The following NCAPD3 variants were observed in gnomAD, a reference collection of about 807,000 sequenced individuals.
NCAPD3 encodes the protein non-SMC condensin II complex subunit D3.
NCAPD3 carries 105 observed loss-of-function variants against 182.9 expected under a neutral mutation model. The ratio of observed to expected loss-of-function variants is 0.57; its 90% CI spans 0.49 to 0.68. NCAPD3 has a LOEUF of 0.68. Ranked by LOEUF, NCAPD3 falls within the 30% of genes least tolerant of loss-of-function variation. The pLI, the probability that NCAPD3 is intolerant of heterozygous loss-of-function variation, is 0.00. For synonymous variants in NCAPD3, 815 were observed against 679.9 expected, an observed-to-expected ratio of 1.20 and a Z score of -3.09; for missense variants, 1,944 against 1,837.0, an observed-to-expected ratio of 1.06 and a Z score of -1.07.
At chr11:134,154,745 G>A (rs1208060107) in intron 32 of NCAPD3, among the ~76,000 whole-genome samples, 2 of 152,234 alleles carry the variant, frequency 1.3e-5, no homozygotes, top group Non-Finnish European at 2.9e-5. Flanking sequence ...CACATGCGAG[G>A]AGGCAGCTTC....
Position 134,152,650 on chromosome 11 carries a change from A to T in NCAPD3, c.*294T>A. On this transcript the variant is annotated 3_prime_UTR_variant, in exon 35 of 35. Coordinates refer to ENST00000534548, the MANE Select transcript of NCAPD3 (RefSeq NM_015261.3). The stretch of plus-strand genomic sequence containing the variant: ...TAAAGTTGTGTTCCTTAAAGACCAG[A>T]TTATAGCTTATCTGAATGGGCTTGA... 1 of 282,820 alleles carries T rather than the reference A, an allele frequency of 3.5e-6. No homozygotes were observed. The highest frequency in any genetic ancestry group is 6.5e-6 in the Non-Finnish European group (1 of 153,324). 17.5% of individuals were successfully genotyped at this position (282,820 alleles called of 1,614,324 possible). A position where few individuals can be genotyped will look rare whatever the true frequency, so the allele number is the denominator to read the frequency against.
chr11:134,177,188 G>A, intron 23 of NCAPD3, 31 bp downstream of exon 23: 1 of 1,508,444 alleles, frequency 6.6e-7, no homozygotes, highest in East Asian at 2.3e-5. Context: ...AATGGTGAAG[G>A]GGAAAGGACA....
At chr11:134,217,726 T>C (rs1438852066) in intron 2 of NCAPD3, among the ~76,000 whole-genome samples, 1 of 152,230 alleles carries the variant, frequency 6.6e-6, no homozygotes, top group Non-Finnish European at 1.5e-5. Flanking sequence ...GGTTTATCCT[T>C]GAGTATCGTA....
Position 134,159,915 on chromosome 11 carries a change from C to T in NCAPD3, c.3844G>A (p.Ala1282Thr), listed in dbSNP as rs1461977908. ...HADVAGTAGG[A>T]EVAPVAQVAL... The stretch of plus-strand genomic sequence containing the variant: ...ACCTGTGCCACAGGTGCCACCTCAG[C>T]ACCTCCAGCCGTCCCGGCCACATCT... Residue 1282 changes from alanine (A) to threonine (T), a missense_variant, in exon 29 of 35, where the codon GCT becomes ACT. This residue lies in a region of NCAPD3 where 1,803 missense variants were observed against 1,674.6 expected (regional missense o/e 1.08). Coordinates refer to ENST00000534548, the MANE Select transcript of NCAPD3 (RefSeq NM_015261.3). 1.2e-6 allele frequency: 2 copies of T among 1,613,186 alleles called. No individual in the cohort carries two copies. The highest frequency in any genetic ancestry group is 1.7e-5 in the Admixed American group (1 of 60,002).
At chr11:134,196,459 C>T (rs1490871150) in intron 13 of NCAPD3, among the ~76,000 whole-genome samples, 1 of 151,980 alleles carries the variant, frequency 6.6e-6, no homozygotes, top group Non-Finnish European at 1.5e-5. Flanking sequence ...GCCTGACCAA[C>T]ATGGTGAAAC....
At chr11:134,208,729 AAAT>A in intron 7 of NCAPD3, 132 bp downstream of exon 7, 1 of 655,430 alleles carries the variant, frequency 1.5e-6, no homozygotes, top group South Asian at 1.8e-5. Context: ...TTTATTATGC[AAAT>A]AATATAAGGT....
chr11:134,152,941 TGTTTA>T lies in NCAPD3; in HGVS notation c.4495_*2del. ...CTGCCTGGACACTGGTGGGAGGCGCTGTTTAGTTGGCTGTTTTCAGAGGGGTCTTT... is the reference window on the plus strand; with the variant it reads ...CTGCCTGGACACTGGTGGGAGGCGCTGTTGGCTGTTTTCAGAGGGGTCTTT... On this transcript the variant is annotated stop_lost and 3_prime_UTR_variant, in exon 35 of 35. Transcript: ENST00000534548. The T allele has an allele frequency of 6.5e-7, 1 of 1,539,678 alleles. No individual in the cohort carries two copies. The highest frequency in any genetic ancestry group is 1.3e-5 in the South Asian group (1 of 77,790).
intron 8 of NCAPD3, among the ~76,000 whole-genome samples, chr11:134,206,049 A>G (rs1937606187): frequency 6.6e-6 from 1 of 152,204 alleles, no homozygotes; most frequent in South Asian, 2.1e-4. Context: ...CTTGCCAGTG[A>G]AACTAAGGCA....
intron 31 of NCAPD3, among the ~76,000 whole-genome samples, chr11:134,157,330 G>A (rs1049394162): frequency 7.2e-5 from 11 of 152,228 alleles, no homozygotes; most frequent in South Asian, 2.1e-4. Context: ...ATAAGTGATA[G>A]AGGACAGTTT....
rs746453907 is a variant in NCAPD3, at chr11:134,194,088, C to G, written c.1752G>C (p.Leu584=). The change falls in exon 15 of 35, where the codon CTG becomes CTC. Residue 584 remains leucine (L), a synonymous_variant. Transcript: ENST00000534548. The stretch of plus-strand genomic sequence containing the variant: ...CTGCAGGGTCCCGACACTGGTCCTG[C>G]AGAATCCACAGGTCTTCCTTCATGC... The part of the protein sequence containing the change: ...VSGMKEDLWI[L]QDQCRDPAVS... 1 of 1,614,164 alleles carries G rather than the reference C, an allele frequency of 6.2e-7. No individual in the cohort carries two copies. The highest frequency in any genetic ancestry group is 1.1e-5 in the South Asian group (1 of 91,086).
At chr11:134,196,659 A>G (rs1944635053) in intron 13 of NCAPD3, among the ~76,000 whole-genome samples, 2 of 151,100 alleles carry the variant, frequency 1.3e-5, no homozygotes, top group Admixed American at 6.6e-5. Context: ...AAAAAAAAAA[A>G]AAAGAAAAGA....
At chr11:134,162,590 T>C (rs1326594450) in intron 27 of NCAPD3, among the ~76,000 whole-genome samples, 1 of 152,218 alleles carries the variant, frequency 6.6e-6, no homozygotes, top group East Asian at 1.9e-4. Context: ...CTAGTGTATG[T>C]TTCTTCCTTG....
intron 30 of NCAPD3, 103 bp from the exon 31 acceptor site, chr11:134,158,170 C>A (rs947523359): frequency 5.2e-6 from 8 of 1,524,810 alleles, no homozygotes; most frequent in Non-Finnish European, 7.1e-6. Flanking sequence ...GCGCATCCCT[C>A]ACCACCCTCA....
chr11:134,184,646 T>C lies in NCAPD3; in HGVS notation c.2442A>G (p.Ala814=). ...GAAAGTCTGGCCATACCTGCTCCTC[T>C]GCTGGTGTCTCTGCAGATGCTCTAC... ...RLCRASAETP[A]EEQELLTQVC... Residue 814 remains alanine (A), a synonymous_variant, in exon 19 of 35, where the codon GCA becomes GCG. Transcript: ENST00000534548. 1 of 1,610,328 alleles carries C rather than the reference T, an allele frequency of 6.2e-7. No individual in the cohort carries two copies. The highest frequency in any genetic ancestry group is 8.5e-7 in the Non-Finnish European group (1 of 1,178,364).
intron 27 of NCAPD3, among the ~76,000 whole-genome samples, chr11:134,167,789 G>C (rs964333648): frequency 1.2e-4 from 15 of 128,010 alleles, no homozygotes; most frequent in African/African-American, 4.0e-4. Flanking sequence ...CTTGGGGGAG[G>C]TGCACACTCG....
intron 3 of NCAPD3, among the ~76,000 whole-genome samples, chr11:134,213,123 A>G (rs1591863093): frequency 1.3e-5 from 2 of 152,256 alleles, no homozygotes; most frequent in East Asian, 1.9e-4. Context: ...AGGCCAAGAG[A>G]TTGCGACCAG....
chr11:134,209,678 T>G (rs1937754913), intron 4 of NCAPD3: 1 of 500,176 alleles, frequency 2.0e-6, no homozygotes, highest in Non-Finnish European at 3.5e-6. Context: ...ACCGCTACAG[T>G]AGTTTCTAGT....
rs758811254 is a variant in NCAPD3 at position 134,194,187 on chromosome 11, A to G, written c.1690-37T>C. 4.4e-6 allele frequency: 7 copies of G among 1,596,252 alleles called. No individual in the cohort carries two copies. In the East Asian group the frequency reaches 1.3e-4, roughly 31 times the overall value. On this transcript the variant is annotated intron_variant, in intron 14 of 34. Transcript: ENST00000534548. ...AGACGCAACATGAACTGTTAACTGC[A>G]TAGCATCAACTCACAAAGATAAACT... is the stretch of plus-strand genomic sequence containing the variant.
In NCAPD3 at chr11:134,212,375, T is replaced by TGTGTG. The variant is rs1937866526; in HGVS notation, c.383-1922_383-1921insCACAC. On this transcript the variant is annotated intron_variant, in intron 3 of 34. Coordinates refer to ENST00000534548, the MANE Select transcript of NCAPD3 (RefSeq NM_015261.3). ...AAAGGAAAATATACTTTTTGTTGTT[T>TGTGTG]TGTGTGTGTGTGTGTGTGTGTGTGT... Among the ~76,000 whole-genome samples, 172 of 143,272 alleles carry TGTGTG rather than the reference T, an allele frequency of 1.2e-3. 1 individual carries two copies. Among genetic ancestry groups the TGTGTG allele is most frequent in the African/African-American group, 3.5e-3 (131 of 37,822 alleles). 94.0% of individuals were successfully genotyped at this position (143,272 alleles called of 152,430 possible).
Sources: gnomAD v4.1 joint callset for allele counts (sites outside exome capture counted in the v4.1 genomes callset) on GRCh38, gnomAD v4.1.1 for gene constraint, gnomAD v4.1.1 regional missense constraint, MANE v1.5 for transcripts, NCBI Gene and HGNC (gene_info 2026-07-23, HGNC 2026-07-21) for gene names.